ABLIM2: variants seen among roughly 807,000 people sequenced by gnomAD.
The protein encoded by ABLIM2 is actin-binding LIM protein 2.
A neutral mutation model predicts 97.7 loss-of-function variants in ABLIM2; 53 were observed. The ratio of observed to expected loss-of-function variants is 0.54; its 90% CI spans 0.44 to 0.68. The LOEUF (loss-of-function observed/expected upper bound fraction) is 0.68, where lower values mean the gene tolerates loss of function less well. Ranked by LOEUF, ABLIM2 falls within the 30% of genes least tolerant of loss-of-function variation. The pLI, the probability that ABLIM2 is intolerant of heterozygous loss-of-function variation, is 0.00. For synonymous variants in ABLIM2, 361 were observed against 345.8 expected, an observed-to-expected ratio of 1.04 and a Z score of -0.49; for missense variants, 835 against 867.2, an observed-to-expected ratio of 0.96 and a Z score of 0.47.
chr4:8,099,580 T>C (rs1337713074), intron 2 of ABLIM2, among the ~76,000 whole-genome samples: 1 of 152,094 alleles, frequency 6.6e-6, no homozygotes, highest in Non-Finnish European at 1.5e-5. Flanking sequence ...GCACGGTGGC[T>C]CACACCCGTA....
intron 9 of ABLIM2, among the ~76,000 whole-genome samples, chr4:8,041,678 GGATCACC>G (rs1213679238): frequency 6.6e-6 from 1 of 152,030 alleles, no homozygotes; most frequent in African/African-American, 2.4e-5. Flanking sequence ...CAAGGTGGGT[GGATCACC>G]AGGTTAGGAG....
At chr4:8,012,115 C>A (rs1765338039) in intron 14 of ABLIM2, among the ~76,000 whole-genome samples, 1 of 151,558 alleles carries the variant, frequency 6.6e-6, no homozygotes, top group Non-Finnish European at 1.5e-5. Flanking sequence ...TCCATCCACC[C>A]ATCCTTCACC....
In ABLIM2 at chr4:8,132,056, C is replaced by T. The variant is rs978777679; in HGVS notation, c.11-25419G>A. Reference sequence around the variant, plus strand: ...CATCCCCGAGCACAGCTGTGCCGGCCGAGCTCAGGCCTCGGGGTGCCTGGA... The same window carrying T: ...CATCCCCGAGCACAGCTGTGCCGGCTGAGCTCAGGCCTCGGGGTGCCTGGA... On this transcript the variant is annotated intron_variant, in intron 1 of 20. Coordinates refer to ENST00000447017, the MANE Select transcript of ABLIM2 (RefSeq NM_001130083.2). The surrounding 1 kb of genome is among the most constrained non-coding windows in gnomAD (Gnocchi z 8.0). Among the ~76,000 whole-genome samples the T allele has an allele frequency of 4.6e-5, 7 of 152,182 alleles. No individual in the cohort carries two copies. The East Asian group carries it at 5.8e-4, about 13-fold the overall frequency.
In ABLIM2 at chr4:8,044,058, G is replaced by A. The variant is rs942248141; in HGVS notation, c.900+1106C>T. Among the ~76,000 whole-genome samples the A allele has an allele frequency of 6.6e-6, 1 of 152,214 alleles. No homozygotes were observed. Among genetic ancestry groups the A allele is most frequent in the Non-Finnish European group, 1.5e-5 (1 of 68,032 alleles). ...GACTCGTGCACCCCTCAGTGGCACT[G>A]TCAGGATTAAGGTCAGGAAGGACCC... On this transcript the variant is annotated intron_variant, in intron 9 of 20. Transcript: ENST00000447017. The surrounding 1 kb of genome is among the most constrained non-coding windows in gnomAD (Gnocchi z 4.4).
chr4:8,051,997 G>GC (rs968581914), intron 8 of ABLIM2, among the ~76,000 whole-genome samples: 36 of 152,168 alleles, frequency 2.4e-4, no homozygotes, highest in Admixed American at 2.1e-3. Context: ...TGGCTTTGGA[G>GC]CCCCCCCTCC....
rs1202300437 is a variant in ABLIM2, at chr4:8,015,606, GAAC to G, written c.1423+4009_1423+4011del. 1.3e-5 allele frequency among the ~76,000 whole-genome samples: 2 copies of G among 152,208 alleles called. No individual in the cohort carries two copies. The highest frequency in any genetic ancestry group is 2.9e-5 in the Non-Finnish European group (2 of 68,038). Reference sequence around the variant, plus strand: ...TTAAACCAGGGCACAAAGACACAGGGAACAACGTGTGTCCCGTGGGGTCACTTC... The same window carrying G: ...TTAAACCAGGGCACAAAGACACAGGGAACGTGTGTCCCGTGGGGTCACTTC... On this transcript the variant is annotated intron_variant, in intron 14 of 20. Transcript: ENST00000447017. The surrounding 1 kb of genome is among the most constrained non-coding windows in gnomAD (Gnocchi z 4.6).
Position 8,127,457 on chromosome 4 carries a change from G to A in ABLIM2, c.11-20820C>T. 1 of 1,270,908 alleles carries A rather than the reference G, an allele frequency of 7.9e-7. No individual in the cohort carries two copies. Among genetic ancestry groups the A allele is most frequent in the Non-Finnish European group, 1.0e-6 (1 of 973,432 alleles). The allele number at this position is 1,270,908 out of a possible 1,614,324, so 78.7% of individuals were successfully genotyped here. On this transcript the variant is annotated intron_variant, in intron 1 of 20. Coordinates refer to ENST00000447017, the MANE Select transcript of ABLIM2 (RefSeq NM_001130083.2). The surrounding 1 kb of genome is among the most constrained non-coding windows in gnomAD (Gnocchi z 7.3). Reference sequence around the variant, plus strand: ...CAGACCCCTGAAGCTGATTCATGGAGCTCACAGCTCCCAGTCCCCTGAAGC... The same window carrying A: ...CAGACCCCTGAAGCTGATTCATGGAACTCACAGCTCCCAGTCCCCTGAAGC...
intron 5 of ABLIM2, 61 bp from the exon 6 acceptor site, chr4:8,077,782 C>A (rs1817214174): frequency 2.9e-6 from 4 of 1,388,838 alleles, no homozygotes; most frequent in Non-Finnish European, 3.0e-6. Context: ...TGAGATCTAA[C>A]AACCCTCACC....
At chr4:7,983,497 G>C (rs1312860182) in intron 19 of ABLIM2, 50 bp downstream of exon 19, 1 of 1,610,264 alleles carries the variant, frequency 6.2e-7, no homozygotes, top group African/African-American at 1.3e-5. Context: ...CTTTTAACCT[G>C]GGCAGGTGTG....
At chr4:8,055,830 G>C (rs777575002) in intron 7 of ABLIM2, among the ~76,000 whole-genome samples, 2 of 152,074 alleles carry the variant, frequency 1.3e-5, no homozygotes, top group African/African-American at 4.8e-5. Flanking sequence ...AAAAGTAATA[G>C]GGCTGGGCGC....
chr4:8,145,745 TACACACACACACAC>T (rs34195989), intron 1 of ABLIM2, among the ~76,000 whole-genome samples: 4,797 of 138,666 alleles, frequency 0.035, 110 homozygotes, highest in African/African-American at 0.043. Flanking sequence ...TACACACTCA[TACACACACACACAC>T]ACACACACAC....
At position 8,083,505 on chromosome 4, in the gene ABLIM2, C is replaced by A. The variant is rs916978728; in HGVS notation, c.455-2703G>T. On this transcript the variant is annotated intron_variant, in intron 4 of 20. Coordinates refer to ENST00000447017, the MANE Select transcript of ABLIM2 (RefSeq NM_001130083.2). The surrounding 1 kb of genome is among the most constrained non-coding windows in gnomAD (Gnocchi z 4.6). ...CTCCCCTGCCAAGAAGCTCCCTTGA[C>A]CTTGAGCTCCAAACTGCAGAGGGGA... is the stretch of plus-strand genomic sequence containing the variant. 7.9e-5 allele frequency among the ~76,000 whole-genome samples: 12 copies of A among 152,200 alleles called. No individual in the cohort carries two copies. The highest frequency in any genetic ancestry group is 2.2e-4 in the African/African-American group (9 of 41,450).
intron 1 of ABLIM2, among the ~76,000 whole-genome samples, chr4:8,109,495 C>A (rs1274478761): frequency 6.6e-6 from 1 of 152,226 alleles, no homozygotes; most frequent in African/African-American, 2.4e-5. Flanking sequence ...ACAGAGGAGG[C>A]CATTTCCCCA....
At chr4:8,018,244 G>T (rs1256211264) in intron 14 of ABLIM2, among the ~76,000 whole-genome samples, 1 of 152,170 alleles carries the variant, frequency 6.6e-6, no homozygotes, top group Non-Finnish European at 1.5e-5. Flanking sequence ...TTAATAAAAG[G>T]CCAAGGTAGT....
rs1047641954 is a variant in ABLIM2 at position 8,124,934 on chromosome 4, G to A, written c.11-18297C>T. ...GCCATTCTAGCGGATCTGTAATCGC[G>A]TCTCACTGGGATTCTGATGTGCCGT... is the stretch of plus-strand genomic sequence containing the variant. On this transcript the variant is annotated intron_variant, in intron 1 of 20. Coordinates refer to ENST00000447017, the MANE Select transcript of ABLIM2 (RefSeq NM_001130083.2). The surrounding 1 kb of genome is among the most constrained non-coding windows in gnomAD (Gnocchi z 6.1). Among the ~76,000 whole-genome samples, 3 of 152,192 alleles carry A rather than the reference G, an allele frequency of 2.0e-5. No individual in the cohort carries two copies. Among genetic ancestry groups the A allele is most frequent in the Admixed American group, 6.5e-5 (1 of 15,276 alleles).
intron 3 of ABLIM2, among the ~76,000 whole-genome samples, chr4:8,090,808 C>T (rs753080848): frequency 1.1e-4 from 16 of 151,496 alleles, no homozygotes; most frequent in Non-Finnish European, 1.9e-4. Context: ...TTGCCAATAT[C>T]GATCCTTTGT....
Position 8,130,862 on chromosome 4 carries a change from C to T in ABLIM2, c.11-24225G>A, listed in dbSNP as rs948233083. Among the ~76,000 whole-genome samples, 1 of 152,198 alleles carries T rather than the reference C, an allele frequency of 6.6e-6. No individual in the cohort carries two copies. Among genetic ancestry groups the T allele is most frequent in the African/African-American group, 2.4e-5 (1 of 41,442 alleles). On this transcript the variant is annotated intron_variant, in intron 1 of 20. Coordinates refer to ENST00000447017, the MANE Select transcript of ABLIM2 (RefSeq NM_001130083.2). This position sits in a 1 kb window ranked among gnomAD's most constrained non-coding sequence, Gnocchi z 4.2. ...AAGGCTCTAGGGCAGGCTGTCCTTGCCTTGCCTGGCTGCTGGGGCGGCCTG... is the reference window on the plus strand; with the variant it reads ...AAGGCTCTAGGGCAGGCTGTCCTTGTCTTGCCTGGCTGCTGGGGCGGCCTG...
At chr4:7,983,118 T>C (rs373485838) in intron 20 of ABLIM2, 146 bp downstream of exon 20, 66 of 842,180 alleles carry the variant, frequency 7.8e-5, no homozygotes, top group South Asian at 7.1e-4. Flanking sequence ...TTTGAGGCAA[T>C]GTGGGCCTGA....
chr4:8,057,888 C>T (rs1800371566), intron 7 of ABLIM2, among the ~76,000 whole-genome samples: 3 of 152,210 alleles, frequency 2.0e-5, no homozygotes, highest in Admixed American at 2.0e-4. Flanking sequence ...CAGAGGGTCT[C>T]AGGATGACCA....
Sources: gnomAD v4.1 joint callset for allele counts (sites outside exome capture counted in the v4.1 genomes callset) on GRCh38, gnomAD v4.1.1 for gene constraint, Gnocchi (gnomAD v3.1) non-coding constraint, MANE v1.5 for transcripts, NCBI Gene and HGNC (gene_info 2026-07-23, HGNC 2026-07-21) for gene names.